The following AGBL1 variants were observed in gnomAD, a reference collection of about 807,000 sequenced individuals.
AGBL1 encodes AGBL carboxypeptidase 1.
In AGBL1, 130 loss-of-function variants were observed where a neutral mutation model predicts 118.9. That is an observed-to-expected ratio of 1.09 (90% CI 0.95 to 1.26). The LOEUF (loss-of-function observed/expected upper bound fraction) is 1.26. AGBL1 is among the 50% of genes most tolerant of loss of function. The probability of loss-of-function intolerance (pLI) is 0.00; values close to 1 mark genes in which losing one functional copy is unlikely to be tolerated. For missense variants in AGBL1, 1,584 were observed against 1,298.1 expected, an observed-to-expected ratio of 1.22 and a Z score of -3.38; for synonymous variants, 555 against 478.9, an observed-to-expected ratio of 1.16 and a Z score of -2.08.
At chr15:86,169,437 T>C (rs2077385170) in intron 5 of AGBL1, among the ~76,000 whole-genome samples, 1 of 152,128 alleles carries the variant, frequency 6.6e-6, no homozygotes, top group Non-Finnish European at 1.5e-5. Flanking sequence ...GGACATTGGA[T>C]AAAGTACACA....
intron 21 of AGBL1, among the ~76,000 whole-genome samples, chr15:86,661,978 TTTATC>T (rs1220554158): frequency 2.0e-5 from 3 of 152,218 alleles, no homozygotes; most frequent in African/African-American, 7.2e-5. Context: ...ATACTAATCT[TTTATC>T]TTACCTCATT....
chr15:86,409,901 C>T lies in AGBL1; in HGVS notation c.2555+12355C>T, dbSNP rs183175962. 2.6e-3 allele frequency among the ~76,000 whole-genome samples: 387 copies of T among 149,176 alleles called. 1 individual carries two copies. The highest frequency in any genetic ancestry group is 9.4e-3 in the African/African-American group (362 of 38,640). On this transcript the variant is annotated intron_variant, in intron 18 of 22. Coordinates refer to ENST00000614907, the MANE Select transcript of AGBL1 (RefSeq NM_001386094.1). ...GATCCTCCTATAGGAGGAAGAAATC[C>T]GTGCAGGGATGCAGGGATAGAGGGA...
At chr15:86,407,826 A>T (rs984173378) in intron 18 of AGBL1, among the ~76,000 whole-genome samples, 8 of 151,766 alleles carry the variant, frequency 5.3e-5, no homozygotes, top group Non-Finnish European at 1.2e-4. Context: ...TGATCGTGGG[A>T]CTCTTGGATC....
intron 24 of AGBL1, among the ~76,000 whole-genome samples, chr15:87,012,470 A>G (rs1325284800): frequency 1.3e-5 from 2 of 152,182 alleles, no homozygotes; most frequent in African/African-American, 4.8e-5. Flanking sequence ...GGGTGAAGAT[A>G]CAATGTTAAG....
At chr15:86,473,836 G>C (rs757453030) in intron 18 of AGBL1, among the ~76,000 whole-genome samples, 1 of 152,060 alleles carries the variant, frequency 6.6e-6, no homozygotes, top group Admixed American at 6.6e-5. Flanking sequence ...TCCCATAATG[G>C]AGTGGCTGGA....
At chr15:86,472,013 A>C (rs563283224) in intron 18 of AGBL1, among the ~76,000 whole-genome samples, 319 of 152,322 alleles carry the variant, frequency 2.1e-3, no homozygotes, top group South Asian at 3.7e-3. Flanking sequence ...AGGTCATGTG[A>C]AGACAGAACC....
At chr15:86,786,528 G>A (rs962667052) in intron 22 of AGBL1, among the ~76,000 whole-genome samples, 1 of 152,056 alleles carries the variant, frequency 6.6e-6, no homozygotes, top group African/African-American at 2.4e-5. Flanking sequence ...TAAGCTAAAT[G>A]CTAAAATATC....
At chr15:86,622,058 T>C (rs1276931650) in intron 21 of AGBL1, among the ~76,000 whole-genome samples, 1 of 152,106 alleles carries the variant, frequency 6.6e-6, no homozygotes, top group African/African-American at 2.4e-5. Flanking sequence ...CCAGGTGTAG[T>C]GGCTCATGCC....
At chr15:86,297,855 C>T (rs1044657149) in intron 17 of AGBL1, among the ~76,000 whole-genome samples, 2 of 152,058 alleles carry the variant, frequency 1.3e-5, no homozygotes, top group Non-Finnish European at 1.5e-5. Context: ...GTGCTGACTC[C>T]TTTGTTATAA....
At chr15:86,493,664 T>C (rs1008822024) in intron 18 of AGBL1, among the ~76,000 whole-genome samples, 1 of 152,214 alleles carries the variant, frequency 6.6e-6, no homozygotes, top group Middle Eastern at 3.4e-3. Context: ...CCACACACTT[T>C]CTTCCGTAAT....
At chr15:87,030,146 G>C (rs1480960261), downstream of AGBL1, among the ~76,000 whole-genome samples, 1 of 151,946 alleles carries the variant, frequency 6.6e-6, no homozygotes, top group Non-Finnish European at 1.5e-5. Context: ...TGTAGTTGAA[G>C]TCACTATTAC....
chr15:86,186,439 A>G (rs1217966301), intron 5 of AGBL1, among the ~76,000 whole-genome samples: 5 of 152,236 alleles, frequency 3.3e-5, no homozygotes, highest in African/African-American at 1.2e-4. Flanking sequence ...TCACGTCCTG[A>G]TCAGTAAACG....
intron 21 of AGBL1, among the ~76,000 whole-genome samples, chr15:86,642,570 T>A (rs954855250): frequency 3.3e-5 from 5 of 150,462 alleles, no homozygotes; most frequent in Admixed American, 1.3e-4. Context: ...AACATGCAAC[T>A]TTTGTCTTCT....
chr15:86,238,193 T>G (rs1567147132), intron 6 of AGBL1, among the ~76,000 whole-genome samples: 2 of 152,216 alleles, frequency 1.3e-5, no homozygotes, highest in Non-Finnish European at 2.9e-5. Context: ...GTTTTCTTTG[T>G]GTGTGCCTAT....
At position 86,410,824 on chromosome 15, in the gene AGBL1, ATATATATATATATATAT is replaced by A. The variant is rs1567242755; in HGVS notation, c.2555+13279_2555+13295del. 8.8e-5 allele frequency among the ~76,000 whole-genome samples: 10 copies of A among 113,004 alleles called. 1 individual carries two copies. Among genetic ancestry groups the A allele is most frequent in the African/African-American group, 3.6e-4 (10 of 27,904 alleles). The allele number at this position is 113,004 out of a possible 152,430, so 74.1% of individuals were successfully genotyped here. ...CAAATGTAGATATATATATATATATATATATATATATATATATAATATACTATTTTATATATAAAATA... is the reference window on the plus strand; with the variant it reads ...CAAATGTAGATATATATATATATATAAATATACTATTTTATATATAAAATA... On this transcript the variant is annotated intron_variant, in intron 18 of 22. Coordinates refer to ENST00000614907, the MANE Select transcript of AGBL1 (RefSeq NM_001386094.1).
intron 1 of AGBL1, among the ~76,000 whole-genome samples, chr15:86,109,198 A>G (rs904525716): frequency 7.2e-5 from 11 of 152,202 alleles, no homozygotes; most frequent in Non-Finnish European, 1.6e-4. Context: ...AATAATAATA[A>G]CCAGGGGTAG....
chr15:86,192,047 GTTGA>G lies in AGBL1; in HGVS notation c.489-32863_489-32860del, dbSNP rs893736052. On this transcript the variant is annotated intron_variant, in intron 5 of 22. Coordinates refer to ENST00000614907, the MANE Select transcript of AGBL1 (RefSeq NM_001386094.1). Reference sequence around the variant, plus strand: ...GCCCAAGAGTTCCAGGCTCCAGGGAGTTGATTGTGCCACTGTACTCTGTCCTGGG... The same window carrying G: ...GCCCAAGAGTTCCAGGCTCCAGGGAGTTGTGCCACTGTACTCTGTCCTGGG... 7.4e-4 allele frequency among the ~76,000 whole-genome samples: 112 copies of G among 151,846 alleles called. 1 individual carries two copies. Among genetic ancestry groups the G allele is most frequent in the African/African-American group, 2.6e-3 (109 of 41,458 alleles).
At chr15:86,895,306 TG>T (rs1487386500) in intron 22 of AGBL1, among the ~76,000 whole-genome samples, 3 of 152,040 alleles carry the variant, frequency 2.0e-5, no homozygotes, top group African/African-American at 7.2e-5. Context: ...AAAAATAACC[TG>T]TACCTTATGT....
At chr15:86,807,811 T>G (rs2078738965) in intron 22 of AGBL1, among the ~76,000 whole-genome samples, 2 of 152,186 alleles carry the variant, frequency 1.3e-5, no homozygotes, top group African/African-American at 4.8e-5. Context: ...CTTGTAGCAC[T>G]TTTGTTATCA....
Sources: allele counts gnomAD v4.1 joint callset (sites outside exome capture counted in the v4.1 genomes callset), GRCh38; gene constraint gnomAD v4.1.1; transcripts MANE v1.5; gene names NCBI Gene and HGNC (gene_info 2026-07-23, HGNC 2026-07-21).